The following SRRM3 variants were observed in gnomAD, a reference collection of about 807,000 sequenced individuals.
SRRM3 encodes serine/arginine repetitive matrix 3, also known as serine/arginine repetitive matrix protein 3.
SRRM3 carries 27 observed loss-of-function variants against 66.2 expected under a neutral mutation model. The ratio of observed to expected loss-of-function variants is 0.41; its 90% CI spans 0.30 to 0.56. The LOEUF is 0.56. Among genes scored for constraint, SRRM3 ranks in the 20% least tolerant of loss-of-function variants. SRRM3 has a pLI of 0.32. For missense variants in SRRM3, 918 were observed against 991.9 expected (o/e 0.93, Z 1.00); for synonymous variants, 391 against 414.9 (o/e 0.94, Z 0.70).
chr7:76,285,818 G>C lies in SRRM3; in HGVS notation c.1937G>C (p.Ser646Thr), dbSNP rs1431563766. 1 of 1,550,604 alleles carries C rather than the reference G, an allele frequency of 6.4e-7. No individual in the cohort carries two copies. The highest frequency in any genetic ancestry group is 1.4e-5 in the African/African-American group (1 of 73,176). Residue 646 changes from serine to threonine, a missense_variant, in exon 15 of 15, where the codon AGC becomes ACC. Transcript: ENST00000611745. The surrounding 1 kb of genome is among the most constrained non-coding windows in gnomAD (Gnocchi z 4.1). ...RTPSPSYHSR[S>T]SSESGGF is the part of the protein sequence containing the mutation. ...CCCAGTCCCAGCTACCACAGCCGGA[G>C]CAGCTCTGAGAGCGGGGGCTTCTGA...
rs563395643 is a variant in SRRM3 at position 76,226,677 on chromosome 7, G to A, written c.-39-8351G>A. Reference sequence around the variant, plus strand: ...GTGATCTCAGCTCACTGCAACCTCCGCCTCCTGAGTTCAAGCAATTCTTCT... The same window carrying A: ...GTGATCTCAGCTCACTGCAACCTCCACCTCCTGAGTTCAAGCAATTCTTCT... On this transcript the variant is annotated intron_variant, in intron 1 of 14. Transcript: ENST00000611745. 1.2e-4 allele frequency among the ~76,000 whole-genome samples: 18 copies of A among 152,150 alleles called. 1 individual carries two copies. The South Asian group carries it at 2.1e-3, about 18-fold the overall frequency.
At chr7:76,244,752 G>A (rs890400807) in intron 2 of SRRM3, among the ~76,000 whole-genome samples, 2 of 152,088 alleles carry the variant, frequency 1.3e-5, no homozygotes, top group Non-Finnish European at 2.9e-5. Context: ...AACCCCTATG[G>A]TAGCGCAACA....
At chr7:76,235,936 G>A (rs1436769426) in intron 2 of SRRM3, among the ~76,000 whole-genome samples, 2 of 148,976 alleles carry the variant, frequency 1.3e-5, no homozygotes, top group Non-Finnish European at 3.0e-5. Context: ...AACCCAGGAG[G>A]CGGAGGTTGC....
At chr7:76,267,221 C>A in intron 10 of SRRM3, 37 bp from the exon 11 acceptor site, 1 of 1,480,830 alleles carries the variant, frequency 6.8e-7, no homozygotes, top group Non-Finnish European at 8.9e-7. Context: ...GGGTGTCCCA[C>A]GCCGACTCCC....
At chr7:76,213,004 C>CTTTTTT (rs57266029) in intron 1 of SRRM3, among the ~76,000 whole-genome samples, 4 of 67,866 alleles carry the variant, frequency 5.9e-5, no homozygotes, top group Admixed American at 2.0e-4. Flanking sequence ...CACCCCATTC[C>CTTTTTT]TTTTTTTTTT....
chr7:76,241,660 C>T (rs782223795), intron 2 of SRRM3, among the ~76,000 whole-genome samples: 3 of 152,096 alleles, frequency 2.0e-5, no homozygotes, highest in African/African-American at 4.8e-5. Context: ...CGCACCACCA[C>T]GCCCAGCTGA....
chr7:76,267,670 G>C (rs1554609991), intron 11 of SRRM3: 2 of 395,822 alleles, frequency 5.1e-6, no homozygotes. Flanking sequence ...CTGCGGTCTT[G>C]GGCCACCCTT....
intron 1 of SRRM3, among the ~76,000 whole-genome samples, chr7:76,229,001 C>T (rs1554604015): frequency 6.6e-6 from 1 of 151,558 alleles, no homozygotes; most frequent in African/African-American, 2.4e-5. Flanking sequence ...TGGGTTCACG[C>T]CATTCTCCTG....
chr7:76,253,535 G>A (rs1460106922), intron 3 of SRRM3, among the ~76,000 whole-genome samples: 2 of 151,708 alleles, frequency 1.3e-5, no homozygotes, highest in Admixed American at 1.3e-4. Context: ...GCAGGAGAAT[G>A]GCGTGAACCC....
intron 12 of SRRM3, among the ~76,000 whole-genome samples, chr7:76,282,172 C>G (rs1802535337): frequency 6.6e-6 from 1 of 150,404 alleles, no homozygotes. Flanking sequence ...AGGGAGTTAC[C>G]CTCCCTCCAC....
At chr7:76,224,981 G>A (rs934835546) in intron 1 of SRRM3, among the ~76,000 whole-genome samples, 2 of 152,128 alleles carry the variant, frequency 1.3e-5, no homozygotes. Context: ...TTTAACTGAA[G>A]GTAATGGGAC....
At chr7:76,283,712 T>C in intron 14 of SRRM3, 1 of 1,079,894 alleles carries the variant, frequency 9.3e-7, no homozygotes, top group East Asian at 6.1e-5. Flanking sequence ...GGGGCAGCTG[T>C]CAGAGGAGCC....
At chr7:76,251,195 T>G (rs1218950412) in intron 3 of SRRM3, among the ~76,000 whole-genome samples, 1 of 152,236 alleles carries the variant, frequency 6.6e-6, no homozygotes, top group African/African-American at 2.4e-5. Flanking sequence ...CACATGCTCT[T>G]TGTCCTTTTG....
intron 1 of SRRM3, among the ~76,000 whole-genome samples, chr7:76,233,492 G>A (rs1323757895): frequency 3.9e-5 from 6 of 152,192 alleles, no homozygotes; most frequent in Admixed American, 1.3e-4. Flanking sequence ...CAGGGCACCC[G>A]GAGCTCTGTT....
chr7:76,285,696 G>C lies in SRRM3; in HGVS notation c.1815G>C (p.Arg605=). The change falls in exon 15 of 15, where the codon CGG becomes CGC. Residue 605 remains arginine (R), a synonymous_variant. Coordinates refer to ENST00000611745, the MANE Select transcript of SRRM3 (RefSeq NM_001110199.3). This position sits in a 1 kb window ranked among gnomAD's most constrained non-coding sequence, Gnocchi z 4.1. ...GCTTGAGCAGCGACTACTCGACCCG[G>C]AGCCACAGCCGCAGCCCCAGCCCCG... ...SSCLSSDYST[R]SHSRSPSPGH... 3 of 1,551,014 alleles carry C rather than the reference G, an allele frequency of 1.9e-6. No individual in the cohort carries two copies. The highest frequency in any genetic ancestry group is 2.6e-6 in the Non-Finnish European group (3 of 1,146,914).
In SRRM3 at chr7:76,266,232, A is replaced by AATATATATATAAATATTTATATATTTAAT. The variant is rs372179917; in HGVS notation, c.830+773_830+774insTAAATATTTATATATTTAATATATATATA. ...AATATATATAAATATTTATATATTT[A>AATATATATATAAATATTTATATATTTAAT]ATATATATAAATATTTATATATTTA... is the stretch of plus-strand genomic sequence containing the variant. On this transcript the variant is annotated intron_variant, in intron 10 of 14. Coordinates refer to ENST00000611745, the MANE Select transcript of SRRM3 (RefSeq NM_001110199.3). 4.5e-3 allele frequency among the ~76,000 whole-genome samples: 334 copies of AATATATATATAAATATTTATATATTTAAT among 74,962 alleles called. 11 individuals carry two copies. Among genetic ancestry groups the AATATATATATAAATATTTATATATTTAAT allele is most frequent in the Non-Finnish European group, 5.5e-3 (271 of 49,384 alleles). The allele number at this position is 74,962 out of a possible 152,430, so 49.2% of individuals were successfully genotyped here. A position where few individuals can be genotyped will look rare whatever the true frequency, so the allele number is the denominator to read the frequency against.
intron 2 of SRRM3, among the ~76,000 whole-genome samples, chr7:76,241,651 G>A (rs113691576): frequency 2.0e-5 from 3 of 151,992 alleles, no homozygotes; most frequent in East Asian, 3.9e-4. Context: ...CTACAGGCAC[G>A]CACCACCACG....
rs182385965 is a variant in SRRM3 at position 76,212,656 on chromosome 7, A to G, written c.-40+10589A>G. ...GCTAATTTTTGTGTTTTTAGTAGAG[A>G]CAGGGTTTTGCCATGTTGGCCAGGT... On this transcript the variant is annotated intron_variant, in intron 1 of 14. Coordinates refer to ENST00000611745, the MANE Select transcript of SRRM3 (RefSeq NM_001110199.3). Among the ~76,000 whole-genome samples, 212 of 150,806 alleles carry G rather than the reference A, an allele frequency of 1.4e-3. 10 individuals are homozygous for G. The South Asian group carries it at 0.039, about 28-fold the overall frequency.
chr7:76,244,196 C>T (rs1291126780), intron 2 of SRRM3, among the ~76,000 whole-genome samples: 5 of 152,260 alleles, frequency 3.3e-5, no homozygotes, highest in Non-Finnish European at 4.4e-5. Flanking sequence ...ACACAGACTC[C>T]GACCCTAGCT....
Sources: gnomAD v4.1 joint callset for allele counts (sites outside exome capture counted in the v4.1 genomes callset) on GRCh38, gnomAD v4.1.1 for gene constraint, Gnocchi (gnomAD v3.1) non-coding constraint, MANE v1.5 for transcripts, NCBI Gene and HGNC (gene_info 2026-07-23, HGNC 2026-07-21) for gene names.